SCP2: variants seen among roughly 807,000 people sequenced by gnomAD.
The protein encoded by SCP2 is sterol carrier protein 2.
SCP2 carries 48 observed loss-of-function variants against 71.4 expected under a neutral mutation model. The observed-to-expected ratio is 0.67, with a 90% CI of 0.53 to 0.86. SCP2 has a LOEUF of 0.86. SCP2 is among the 40% of genes least tolerant of loss of function. SCP2 has a pLI of 0.00. For missense variants in SCP2, 560 were observed against 655.6 expected (o/e 0.85, Z 1.59); for synonymous variants, 220 against 218.1 (o/e 1.01, Z -0.08).
At chr1:53,039,130 G>A (rs1663236527) in intron 14 of SCP2, 84 bp downstream of exon 14, 2 of 1,531,304 alleles carry the variant, frequency 1.3e-6, no homozygotes, top group African/African-American at 2.7e-5. Flanking sequence ...CTGCTTTACT[G>A]TTCCCAAAAA....
At chr1:52,987,806 G>A (rs1009216872) in intron 10 of SCP2, among the ~76,000 whole-genome samples, 2 of 152,158 alleles carry the variant, frequency 1.3e-5, no homozygotes, top group Non-Finnish European at 2.9e-5. Context: ...GGAAGTCAGA[G>A]AGCTCTAAGG....
intron 1 of SCP2, among the ~76,000 whole-genome samples, chr1:52,939,944 A>G (rs886593670): frequency 1.3e-5 from 2 of 152,120 alleles, no homozygotes; most frequent in African/African-American, 4.8e-5. Flanking sequence ...TGCTGGGATT[A>G]CAGATGTGTG....
intron 11 of SCP2, among the ~76,000 whole-genome samples, chr1:52,997,535 C>T (rs1467267104): frequency 6.6e-6 from 1 of 152,094 alleles, no homozygotes; most frequent in African/African-American, 2.4e-5. Context: ...TATAGATGAA[C>T]CTTGAAAACA....
chr1:52,984,748 G>C (rs1658828154), intron 10 of SCP2, among the ~76,000 whole-genome samples: 1 of 151,526 alleles, frequency 6.6e-6, no homozygotes, highest in Non-Finnish European at 1.5e-5. Flanking sequence ...TGTTGGCCAG[G>C]CTGGTCTCGA....
At chr1:53,021,823 T>G (rs1661766644) in intron 12 of SCP2, among the ~76,000 whole-genome samples, 1 of 151,700 alleles carries the variant, frequency 6.6e-6, no homozygotes, top group South Asian at 2.1e-4. Context: ...TTTTGTATTT[T>G]TAGAAGAGAC....
At chr1:52,955,978 A>G (rs1238270826) in intron 5 of SCP2, among the ~76,000 whole-genome samples, 1 of 152,120 alleles carries the variant, frequency 6.6e-6, no homozygotes, top group Non-Finnish European at 1.5e-5. Flanking sequence ...GGCATGAAAA[A>G]AAAAAACTAA....
intron 11 of SCP2, among the ~76,000 whole-genome samples, chr1:53,013,218 C>T (rs1207750227): frequency 6.7e-6 from 1 of 149,942 alleles, no homozygotes; most frequent in Non-Finnish European, 1.5e-5. Context: ...TGGGCTCAGG[C>T]CATCCTCCTT....
At chr1:53,026,725 C>T (rs938584812) in intron 12 of SCP2, among the ~76,000 whole-genome samples, 4 of 152,038 alleles carry the variant, frequency 2.6e-5, no homozygotes, top group African/African-American at 9.7e-5. Flanking sequence ...GCAAGATTGC[C>T]TGAGACCAGG....
chr1:53,050,806 T>C lies in SCP2; in HGVS notation c.*102T>C. On this transcript the variant is annotated 3_prime_UTR_variant, in exon 16 of 16. Coordinates refer to ENST00000371514, the MANE Select transcript of SCP2 (RefSeq NM_002979.5). Reference sequence around the variant, plus strand: ...TAGACTGAAACTACACATTGGCAAATAGCGTGGGATAGATTTGTTTCTTAA... The same window carrying C: ...TAGACTGAAACTACACATTGGCAAACAGCGTGGGATAGATTTGTTTCTTAA... 1.2e-6 allele frequency: 1 copy of C among 836,638 alleles called. No homozygotes were observed. The highest frequency in any genetic ancestry group is 1.4e-5 in the South Asian group (1 of 73,412). 51.8% of individuals were successfully genotyped at this position (836,638 alleles called of 1,614,324 possible).
At chr1:52,941,974 A>G in intron 2 of SCP2, 121 bp downstream of exon 2, 1 of 715,552 alleles carries the variant, frequency 1.4e-6, no homozygotes. Flanking sequence ...AAGAACCCGT[A>G]CAGAGAAATG....
intron 12 of SCP2, among the ~76,000 whole-genome samples, chr1:53,015,703 A>G (rs907528781): frequency 6.6e-6 from 1 of 152,130 alleles, no homozygotes; most frequent in African/African-American, 2.4e-5. Flanking sequence ...CTCTGTCAGC[A>G]TACATGTTCA....
intron 5 of SCP2, among the ~76,000 whole-genome samples, chr1:52,955,687 A>G (rs181201745): frequency 1.3e-5 from 2 of 152,328 alleles, no homozygotes; most frequent in East Asian, 1.9e-4. Context: ...GTAGTAACCT[A>G]GACAAATTTT....
rs1258568007 is a variant in SCP2, at chr1:52,980,407, T to TA, written c.838dup (p.Met280AsnfsTer3). 1.2e-6 allele frequency: 2 copies of TA among 1,613,982 alleles called. No homozygotes were observed. The highest frequency in any genetic ancestry group is 1.7e-6 in the Non-Finnish European group (2 of 1,179,994). The stretch of plus-strand genomic sequence containing the variant: ...GGTTTTGGTTTTAGGTTGGCTTTGA[T>TA]ATGAGTAAAGAAGCTGCAAGAAAAT... On this transcript the variant is annotated frameshift_variant, in exon 10 of 16. Coordinates refer to ENST00000371514, the MANE Select transcript of SCP2 (RefSeq NM_002979.5). LOFTEE classifies it high-confidence loss of function.
At chr1:52,942,942 T>C (rs1350817216) in intron 2 of SCP2, among the ~76,000 whole-genome samples, 1 of 152,052 alleles carries the variant, frequency 6.6e-6, no homozygotes, top group Non-Finnish European at 1.5e-5. Context: ...CCTCAGGTGA[T>C]CCACCGACCT....
chr1:52,944,903 TC>T (rs1169446115), intron 2 of SCP2, among the ~76,000 whole-genome samples: 1 of 151,858 alleles, frequency 6.6e-6, no homozygotes, highest in East Asian at 2.0e-4. Flanking sequence ...CGCCTCGGCC[TC>T]CCAAAGTGCT....
Position 52,980,454 on chromosome 1 carries a change from C to CA in SCP2, c.885dup (p.Pro296ThrfsTer3). The CA allele has an allele frequency of 6.2e-7, 1 of 1,614,046 alleles. No homozygotes were observed. The highest frequency in any genetic ancestry group is 8.5e-7 in the Non-Finnish European group (1 of 1,179,910). ...AAATGCTATGAGAAATCTGGCCTGA[C>CA]ACCAAATGATATTGACGTAATAGAA... On this transcript the variant is annotated frameshift_variant, in exon 10 of 16. Coordinates refer to ENST00000371514, the MANE Select transcript of SCP2 (RefSeq NM_002979.5). LOFTEE classifies it high-confidence loss of function.
chr1:52,987,179 G>A (rs1334250692), intron 10 of SCP2, among the ~76,000 whole-genome samples: 2 of 151,676 alleles, frequency 1.3e-5, no homozygotes, highest in African/African-American at 4.8e-5. Context: ...CCAAAGTTCT[G>A]GGATTACAGG....
chr1:52,971,717 A>G (rs915694311), intron 6 of SCP2, among the ~76,000 whole-genome samples: 46 of 152,196 alleles, frequency 3.0e-4, no homozygotes, highest in Admixed American at 1.1e-3. Flanking sequence ...CTGTCCATCT[A>G]GGTTCTTCTT....
chr1:52,950,642 G>C, intron 3 of SCP2, 113 bp from the exon 4 acceptor site: 1 of 811,206 alleles, frequency 1.2e-6, no homozygotes, highest in East Asian at 2.6e-5. Context: ...TTACTGTCTT[G>C]CACATGTTAT....
Sources: allele counts gnomAD v4.1 joint callset (sites outside exome capture counted in the v4.1 genomes callset), GRCh38; gene constraint gnomAD v4.1.1; transcripts MANE v1.5; gene names NCBI Gene and HGNC (gene_info 2026-07-23, HGNC 2026-07-21).